Variants in CTTNBP2 observed in about 807,000 individuals in gnomAD.
CTTNBP2 encodes cortactin-binding protein 2.
In CTTNBP2, 108 loss-of-function variants were observed where a neutral mutation model predicts 156.9. The observed-to-expected ratio is 0.69, with a 90% CI of 0.59 to 0.81. The LOEUF (loss-of-function observed/expected upper bound fraction) is 0.81. Among genes scored for constraint, CTTNBP2 ranks in the 30% least tolerant of loss-of-function variants. The probability of loss-of-function intolerance (pLI) is 0.00; values close to 1 mark genes in which losing one functional copy is unlikely to be tolerated. For missense variants in CTTNBP2, 1,924 were observed against 2,035.4 expected, an observed-to-expected ratio of 0.95 and a Z score of 1.05; for synonymous variants, 767 against 751.8, an observed-to-expected ratio of 1.02 and a Z score of -0.33.
intron 10 of CTTNBP2, 122 bp downstream of exon 10, chr7:117,760,313 G>A (rs757519658): frequency 1.0e-4 from 96 of 932,856 alleles, no homozygotes; most frequent in Non-Finnish European, 1.4e-4. Context: ...TTCAGCACCG[G>A]CAGCTGCCAC....
intron 2 of CTTNBP2, among the ~76,000 whole-genome samples, chr7:117,838,170 G>T (rs1025251382): frequency 6.6e-6 from 1 of 152,318 alleles, no homozygotes; most frequent in South Asian, 2.1e-4. Context: ...AGGCAGCACT[G>T]AATATTTGAA....
chr7:117,780,049 C>T (rs1192432500), intron 7 of CTTNBP2, among the ~76,000 whole-genome samples: 1 of 152,156 alleles, frequency 6.6e-6, no homozygotes, highest in Non-Finnish European at 1.5e-5. Context: ...CGTGAGCCAC[C>T]ACGCCCAGCC....
At chr7:117,838,778 C>A (rs1169651660) in intron 2 of CTTNBP2, among the ~76,000 whole-genome samples, 1 of 151,756 alleles carries the variant, frequency 6.6e-6, no homozygotes, top group Non-Finnish European at 1.5e-5. Flanking sequence ...TGAAAGAAAC[C>A]CGCACTAAAA....
At chr7:117,762,880 T>C (rs1797285909) in intron 9 of CTTNBP2, among the ~76,000 whole-genome samples, 1 of 152,222 alleles carries the variant, frequency 6.6e-6, no homozygotes, top group African/African-American at 2.4e-5. Flanking sequence ...CTGCCCTCCT[T>C]GCAGTTCCTC....
intron 14 of CTTNBP2, among the ~76,000 whole-genome samples, chr7:117,737,001 A>G (rs1795741531): frequency 6.6e-6 from 1 of 152,206 alleles, no homozygotes; most frequent in African/African-American, 2.4e-5. Context: ...AACTCCTTGA[A>G]CACTGTAAAT....
intron 12 of CTTNBP2, 136 bp downstream of exon 12, chr7:117,756,419 C>T: frequency 1.5e-6 from 1 of 678,768 alleles, no homozygotes; most frequent in Non-Finnish European, 2.7e-6. Flanking sequence ...AGGGAGGGGG[C>T]TGGTGGGGAA....
Position 117,795,191 on chromosome 7 carries a change from G to A in CTTNBP2, c.415-2410C>T, listed in dbSNP as rs575135272. On this transcript the variant is annotated intron_variant, in intron 3 of 22. Transcript: ENST00000160373. ...GATTACAGGCGTGACGACCGCGCCC[G>A]GCCTACTGTTTTTATATGTATATCT... 2.0e-3 allele frequency among the ~76,000 whole-genome samples: 293 copies of A among 149,500 alleles called. 1 individual carries two copies. Among genetic ancestry groups the A allele is most frequent in the South Asian group, 4.7e-3 (22 of 4,666 alleles).
At chr7:117,734,866 A>C in intron 16 of CTTNBP2, 47 bp downstream of exon 16, 5 of 1,468,744 alleles carry the variant, frequency 3.4e-6, no homozygotes, top group Non-Finnish European at 4.6e-6. Context: ...TCCTGACAAC[A>C]AAAACCCCTG....
chr7:117,765,765 G>A (rs1475079174), intron 9 of CTTNBP2, among the ~76,000 whole-genome samples: 1 of 152,056 alleles, frequency 6.6e-6, no homozygotes, highest in East Asian at 1.9e-4. Context: ...ACTCTCTATA[G>A]GTTGATTTGT....
intron 3 of CTTNBP2, among the ~76,000 whole-genome samples, chr7:117,806,635 T>C (rs879558730): frequency 7.2e-5 from 11 of 152,262 alleles, no homozygotes; most frequent in Admixed American, 1.3e-4. Flanking sequence ...TGATCTGGGC[T>C]ATACAGTTCT....
In CTTNBP2 at chr7:117,791,951, T is replaced by C. The variant is rs1160992552; in HGVS notation, c.1245A>G (p.Ile415Met). 3 of 1,613,972 alleles carry C rather than the reference T, an allele frequency of 1.9e-6. No individual in the cohort carries two copies. The highest frequency in any genetic ancestry group is 2.7e-5 in the African/African-American group (2 of 74,914). ...GTGGAGCTTGCGAGTTCTGAGGAGC[T>C]ATGCCTGGTGTTTGAGCGGTGGGAG... ...AAPPTAQTPG[I>M]APQNSQAPPM... Residue 415 changes from isoleucine (I) to methionine (M), a missense_variant, in exon 4 of 23, where the codon ATA becomes ATG. By Grantham distance (10) the Ile-to-Met change is conservative. Transcript: ENST00000160373.
chr7:117,724,679 C>A lies in CTTNBP2; in HGVS notation c.4315G>T (p.Val1439Phe), dbSNP rs776950673. 1.2e-6 allele frequency: 2 copies of A among 1,614,170 alleles called. No individual in the cohort carries two copies. The highest frequency in any genetic ancestry group is 4.5e-5 in the East Asian group (2 of 44,890). ...FKGGSFPLSI[V>F]SSYNTCNKKK... Reference sequence around the variant, plus strand: ...TTGTTACAAGTGTTATAACTGGAAACTATGGATAAAGGGAAACTTCCTCCT... The same window carrying A: ...TTGTTACAAGTGTTATAACTGGAAAATATGGATAAAGGGAAACTTCCTCCT... Residue 1439 changes from valine (V) to phenylalanine (F), a missense_variant, in exon 19 of 23, where the codon GTT (valine) becomes TTT (phenylalanine). Val to Phe is a conservative substitution (Grantham distance 50). Transcript: ENST00000160373.
intron 3 of CTTNBP2, among the ~76,000 whole-genome samples, chr7:117,804,728 C>T (rs1799831340): frequency 1.3e-5 from 2 of 152,148 alleles, no homozygotes; most frequent in African/African-American, 4.8e-5. Context: ...AATGTCAACA[C>T]ATAGACACAG....
At chr7:117,794,359 C>G (rs1284738316) in intron 3 of CTTNBP2, among the ~76,000 whole-genome samples, 1 of 152,182 alleles carries the variant, frequency 6.6e-6, no homozygotes, top group Non-Finnish European at 1.5e-5. Flanking sequence ...CACTGGCGGT[C>G]CATAATGGGC....
At chr7:117,719,437 G>A (rs1337094867) in intron 21 of CTTNBP2, 67 bp downstream of exon 21, 46 of 1,408,152 alleles carry the variant, frequency 3.3e-5, no homozygotes, top group Non-Finnish European at 4.5e-5. Flanking sequence ...TTAGGGAATT[G>A]TGGTCCCCCA....
chr7:117,832,910 C>CT (rs1296501867), intron 2 of CTTNBP2, among the ~76,000 whole-genome samples: 1 of 71,746 alleles, frequency 1.4e-5, no homozygotes, highest in Non-Finnish European at 2.7e-5. Flanking sequence ...CCACACCCGG[C>CT]TTTTTTTTCT....
intron 2 of CTTNBP2, among the ~76,000 whole-genome samples, chr7:117,817,380 A>ATATATATATATATATATATATATT (rs1800681504): frequency 8.0e-6 from 1 of 124,662 alleles, no homozygotes; most frequent in Admixed American, 8.3e-5. Context: ...ATATATATAT[A>ATATATATATATATATATATATATT]TATATATAAT....
chr7:117,821,182 G>A (rs1006269492), intron 2 of CTTNBP2, among the ~76,000 whole-genome samples: 2 of 152,098 alleles, frequency 1.3e-5, no homozygotes, highest in African/African-American at 4.8e-5. Context: ...GGAAGTGACA[G>A]TTTTACTTCT....
Position 117,810,831 on chromosome 7 carries a change from G to T in CTTNBP2, c.348C>A (p.Ala116=), listed in dbSNP as rs757743465. 9.9e-6 allele frequency: 16 copies of T among 1,613,936 alleles called. No individual in the cohort carries two copies. In the East Asian group the frequency reaches 3.6e-4, roughly 36 times the overall value. ...TCCTTTCTTGCATTTTCTTGCAGTG[G>T]GCCATGACTGCTTCAAGGATGGAGA... ...NPLSILEAVM[A]HCKKMQERMS... Residue 116 remains alanine, a synonymous_variant, in exon 3 of 23, where the codon GCC becomes GCA. Transcript: ENST00000160373.
Sources: gnomAD v4.1 joint callset for allele counts (sites outside exome capture counted in the v4.1 genomes callset) on GRCh38, gnomAD v4.1.1 for gene constraint, MANE v1.5 for transcripts, NCBI Gene and HGNC (gene_info 2026-07-23, HGNC 2026-07-21) for gene names.